TMEM67: variants seen among roughly 807,000 people sequenced by gnomAD.
The protein encoded by TMEM67 is transmembrane protein 67.
In TMEM67, 124 loss-of-function variants were observed where a neutral mutation model predicts 136.6. That is an observed-to-expected ratio of 0.91 (90% CI 0.78 to 1.05). The LOEUF (loss-of-function observed/expected upper bound fraction) is 1.05, where lower values mean the gene tolerates loss of function less well. Among genes scored for constraint, TMEM67 ranks in the 50% least tolerant of loss-of-function variants. TMEM67 has a pLI of 0.00. For synonymous variants in TMEM67, 364 were observed against 390.5 expected (o/e 0.93, Z 0.80); for missense variants, 1,107 against 1,178.4 (o/e 0.94, Z 0.89).
At chr8:93,763,972 A>G in intron 4 of TMEM67, 31 bp downstream of exon 4, 1 of 1,299,084 alleles carries the variant, frequency 7.7e-7, no homozygotes, top group Non-Finnish European at 1.1e-6. Flanking sequence ...TAACTTCATT[A>G]ATATCATCTT....
At chr8:93,769,849 C>A (rs1196103942) in intron 6 of TMEM67, among the ~76,000 whole-genome samples, 1 of 152,204 alleles carries the variant, frequency 6.6e-6, no homozygotes, top group Non-Finnish European at 1.5e-5. Flanking sequence ...GACTCCATAA[C>A]ATACATTCTT....
At chr8:93,793,711 C>T (rs1402311584) in intron 16 of TMEM67, among the ~76,000 whole-genome samples, 1 of 152,040 alleles carries the variant, frequency 6.6e-6, no homozygotes, top group African/African-American at 2.4e-5. Context: ...ATTATGTTTC[C>T]AGTTTTTATT....
At chr8:93,780,792 G>A (rs1813788351) in intron 8 of TMEM67, 45 bp downstream of exon 8, 1 of 1,607,968 alleles carries the variant, frequency 6.2e-7, no homozygotes, top group South Asian at 1.1e-5. Flanking sequence ...ACTGAATTCA[G>A]TGCAGTTATT....
At chr8:93,774,569 T>G (rs1314717897) in intron 7 of TMEM67, among the ~76,000 whole-genome samples, 1 of 152,132 alleles carries the variant, frequency 6.6e-6, no homozygotes, top group Non-Finnish European at 1.5e-5. Context: ...TGTCCAAGTG[T>G]TCTCGTTGAA....
intron 4 of TMEM67, among the ~76,000 whole-genome samples, chr8:93,764,571 A>G (rs1223498120): frequency 6.6e-6 from 1 of 151,928 alleles, no homozygotes; most frequent in East Asian, 1.9e-4. Flanking sequence ...ACATTATACC[A>G]ATTTCAGCAT....
intron 11 of TMEM67, among the ~76,000 whole-genome samples, chr8:93,782,669 G>T (rs1423345545): frequency 6.6e-6 from 1 of 150,526 alleles, no homozygotes; most frequent in African/African-American, 2.4e-5. Flanking sequence ...CGCCTCCCAG[G>T]TTCAAGTGAT....
intron 23 of TMEM67, among the ~76,000 whole-genome samples, chr8:93,805,877 C>T (rs954075569): frequency 2.0e-5 from 3 of 152,048 alleles, no homozygotes; most frequent in East Asian, 1.9e-4. Flanking sequence ...ATCAGGTTGA[C>T]GTAATTTAGA....
chr8:93,776,563 G>T (rs557494771), intron 7 of TMEM67, among the ~76,000 whole-genome samples: 3 of 152,252 alleles, frequency 2.0e-5, no homozygotes, highest in South Asian at 2.1e-4. Flanking sequence ...TAGCATGAAG[G>T]GCTGTTGAAT....
intron 26 of TMEM67, among the ~76,000 whole-genome samples, chr8:93,814,748 A>G (rs1490798177): frequency 1.3e-5 from 2 of 151,682 alleles, no homozygotes; most frequent in African/African-American, 2.4e-5. Flanking sequence ...CAGCCTCCCA[A>G]AGTGCTGGAA....
At chr8:93,807,287 C>G (rs1815195770) in intron 23 of TMEM67, among the ~76,000 whole-genome samples, 1 of 151,940 alleles carries the variant, frequency 6.6e-6, no homozygotes, top group African/African-American at 2.4e-5. Flanking sequence ...TGAATGTTAA[C>G]TCAAGGAAAA....
intron 2 of TMEM67, 31 bp from the exon 3 acceptor site, chr8:93,758,452 A>G (rs767293125): frequency 6.4e-7 from 1 of 1,551,496 alleles, no homozygotes; most frequent in Non-Finnish European, 8.9e-7. Flanking sequence ...TAATTAAAAA[A>G]GAGAAAAGCA....
chr8:93,791,075 A>G, intron 14 of TMEM67, 188 bp from the exon 15 acceptor site: 2 of 532,774 alleles, frequency 3.8e-6, no homozygotes, highest in Admixed American at 3.5e-5. Context: ...AAGGATATTT[A>G]AAGCAGCACA....
chr8:93,760,097 G>C, intron 3 of TMEM67: 1 of 776,640 alleles, frequency 1.3e-6, no homozygotes, highest in Non-Finnish European at 1.8e-6. Context: ...TCTTCTACCA[G>C]TCTGTATATT....
At chr8:93,824,351 C>A in the TMEM67 span, among the ~76,000 whole-genome samples, 2 of 152,294 alleles carry the variant, frequency 1.3e-5, no homozygotes, top group African/African-American at 4.8e-5. Flanking sequence ...CAGGGAGACT[C>A]ATTAAATTGA....
chr8:93,809,160 A>C lies in TMEM67; in HGVS notation c.2660A>C (p.His887Pro). The C allele has an allele frequency of 5.4e-6, 8 of 1,477,658 alleles. No individual in the cohort carries two copies. The highest frequency in any genetic ancestry group is 7.6e-6 in the Non-Finnish European group (8 of 1,056,834). The allele number at this position is 1,477,658 out of a possible 1,614,324, so 91.5% of individuals were successfully genotyped here. ...MNKFLGSFID[H>P]VHKEMDYFIK... ...AAATTTCTTGGCTCCTTCATTGACC[A>C]TGTATGTATGTCAACATTTATATTT... The change falls in exon 25 of 28, where the codon CAT becomes CCT. Residue 887 changes from histidine to proline, a missense_variant and splice_region_variant. Around this residue, in one of 3 missense-constraint regions of TMEM67, gnomAD observed 925 missense variants for 1,002.4 expected, o/e 0.92. Transcript: ENST00000453321.
At chr8:93,831,390 C>A in the TMEM67 span, among the ~76,000 whole-genome samples, 1 of 152,096 alleles carries the variant, frequency 6.6e-6, no homozygotes, top group Non-Finnish European at 1.5e-5. Flanking sequence ...AACAATTGGG[C>A]AAAAGATTTC....
At chr8:93,773,338 A>G (rs1363339533) in intron 7 of TMEM67, among the ~76,000 whole-genome samples, 1 of 152,268 alleles carries the variant, frequency 6.6e-6, no homozygotes, top group East Asian at 1.9e-4. Context: ...GGCTATGGCA[A>G]GGCCCTGGAG....
intron 6 of TMEM67, among the ~76,000 whole-genome samples, chr8:93,767,648 A>G (rs1278678092): frequency 6.6e-6 from 1 of 151,236 alleles, no homozygotes; most frequent in African/African-American, 2.4e-5. Flanking sequence ...ATAATCCAGC[A>G]TACTCATTAT....
chr8:93,777,627 G>A (rs1563455824), intron 7 of TMEM67, among the ~76,000 whole-genome samples: 1 of 152,118 alleles, frequency 6.6e-6, no homozygotes, highest in African/African-American at 2.4e-5. Context: ...AGTCATTCAG[G>A]AGCAAGTTGT....
Sources: allele counts gnomAD v4.1 joint callset (sites outside exome capture counted in the v4.1 genomes callset), GRCh38; gene constraint gnomAD v4.1.1; regional missense constraint gnomAD v4.1.1; transcripts MANE v1.5; gene names NCBI Gene and HGNC (gene_info 2026-07-23, HGNC 2026-07-21).